IGF1R: variants seen among roughly 807,000 people sequenced by gnomAD.
IGF1R encodes the protein insulin like growth factor 1 receptor.
Under a neutral mutation model 144.6 loss-of-function variants are expected in IGF1R, and 44 were observed. That is an observed-to-expected ratio of 0.30 (90% CI 0.24 to 0.39). The LOEUF is 0.39. Ranked by LOEUF, IGF1R falls within the 10% of genes least tolerant of loss-of-function variation. The pLI is 1.00. For synonymous variants in IGF1R, 795 were observed against 722.8 expected (o/e 1.10, Z -1.60); for missense variants, 1,355 against 1,833.7 (o/e 0.74, Z 4.77).
intron 2 of IGF1R, among the ~76,000 whole-genome samples, chr15:98,881,641 A>G (rs766402341): frequency 2.0e-5 from 3 of 152,136 alleles, no homozygotes; most frequent in South Asian, 2.1e-4. Context: ...CTTTTAGACA[A>G]TAGAAACATG....
chr15:98,838,020 G>A (rs2011117633), intron 2 of IGF1R, among the ~76,000 whole-genome samples: 2 of 152,072 alleles, frequency 1.3e-5, no homozygotes, highest in Admixed American at 6.5e-5. Context: ...TCATTTTCAC[G>A]GCCTGAGAGT....
chr15:98,754,420 T>C (rs2055097320), intron 2 of IGF1R, among the ~76,000 whole-genome samples: 1 of 152,214 alleles, frequency 6.6e-6, no homozygotes, highest in Non-Finnish European at 1.5e-5. Flanking sequence ...TGTGAGTATT[T>C]GAGTGAGTTG....
intron 2 of IGF1R, among the ~76,000 whole-genome samples, chr15:98,719,280 T>A (rs145866139): frequency 6.0e-4 from 92 of 152,298 alleles, no homozygotes; most frequent in African/African-American, 2.1e-3. Context: ...TAACTCTTTA[T>A]CACTTCAGGG....
intron 1 of IGF1R, among the ~76,000 whole-genome samples, chr15:98,668,875 C>T (rs910527341): frequency 1.3e-5 from 2 of 152,238 alleles, no homozygotes; most frequent in East Asian, 1.9e-4. Context: ...GACAGACTTA[C>T]TGCTGCAGCC....
chr15:98,841,576 TG>T (rs2011175135), intron 2 of IGF1R, among the ~76,000 whole-genome samples: 1 of 152,190 alleles, frequency 6.6e-6, no homozygotes, highest in Admixed American at 6.5e-5. Flanking sequence ...TGTTTATCCT[TG>T]CCTGCCCCAG....
Position 98,959,028 on chromosome 15 carries a change from C to T in IGF1R, c.*1586C>T. 1 of 233,318 alleles carries T rather than the reference C, an allele frequency of 4.3e-6. No individual in the cohort carries two copies. Among genetic ancestry groups the T allele is most frequent in the South Asian group, 1.8e-4 (1 of 5,532 alleles). 14.5% of individuals were successfully genotyped at this position (233,318 alleles called of 1,614,324 possible). A position where few individuals can be genotyped will look rare whatever the true frequency, so the allele number is the denominator to read the frequency against. ...GAGAGGGCCGCGCTCCTCTCCCCAG[C>T]CTGCCCTCACAGCATTGGAGCCTGT... On this transcript the variant is annotated 3_prime_UTR_variant, in exon 21 of 21. Transcript: ENST00000650285.
At chr15:98,893,793 A>T (rs1056118956) in intron 3 of IGF1R, among the ~76,000 whole-genome samples, 2 of 152,208 alleles carry the variant, frequency 1.3e-5, no homozygotes, top group Non-Finnish European at 2.9e-5. Context: ...TATTTCCCCT[A>T]TTCATTCTTA....
intron 2 of IGF1R, among the ~76,000 whole-genome samples, chr15:98,709,052 T>C (rs566357779): frequency 1.3e-5 from 2 of 152,364 alleles, no homozygotes; most frequent in East Asian, 3.9e-4. Context: ...GCAATAGTTA[T>C]GTATATTGGC....
Position 98,935,576 on chromosome 15 carries a change from T to C in IGF1R, c.3297+150T>C. 1.1e-5 allele frequency: 8 copies of C among 708,594 alleles called. No homozygotes were observed. The South Asian group carries it at 1.2e-4, about 11-fold the overall frequency. The allele number at this position is 708,594 out of a possible 1,614,324, so 43.9% of individuals were successfully genotyped here. A position where few individuals can be genotyped will look rare whatever the true frequency, so the allele number is the denominator to read the frequency against. ...TGCATGCTCAGTTGTAGGTCATTTA[T>C]GCAAAGGATTTCCCCAACTAGAGTC... On this transcript the variant is annotated intron_variant, in intron 17 of 20. Transcript: ENST00000650285. The surrounding 1 kb of genome is among the most constrained non-coding windows in gnomAD (Gnocchi z 4.2).
At chr15:98,763,807 G>C (rs941426925) in intron 2 of IGF1R, among the ~76,000 whole-genome samples, 3 of 152,172 alleles carry the variant, frequency 2.0e-5, no homozygotes, top group Non-Finnish European at 4.4e-5. Flanking sequence ...GGGTTGTCCA[G>C]GTGTGCTTGT....
chr15:98,942,850 T>C, intron 18 of IGF1R, 73 bp from the exon 19 acceptor site: 8 of 1,592,692 alleles, frequency 5.0e-6, no homozygotes, highest in Admixed American at 3.3e-5. Context: ...ACATAATGAG[T>C]GTAGGGTCCT....
chr15:98,678,725 C>T (rs750845716), intron 1 of IGF1R, among the ~76,000 whole-genome samples: 3 of 151,884 alleles, frequency 2.0e-5, no homozygotes, highest in Non-Finnish European at 4.4e-5. Context: ...GGTTTTGCCA[C>T]GTTGCGCAGG....
chr15:98,674,253 A>G (rs1241924541), intron 1 of IGF1R, among the ~76,000 whole-genome samples: 2 of 152,206 alleles, frequency 1.3e-5, no homozygotes, highest in Admixed American at 6.5e-5. Flanking sequence ...ATGGCTTTAC[A>G]TAAGATTTTG....
At chr15:98,811,516 C>T (rs1239861517) in intron 2 of IGF1R, among the ~76,000 whole-genome samples, 12 of 136,574 alleles carry the variant, frequency 8.8e-5, no homozygotes, top group African/African-American at 2.2e-4. Flanking sequence ...GGTGACAGAG[C>T]GAAACTCCAT....
chr15:98,657,777 A>T (rs1264387646), intron 1 of IGF1R, among the ~76,000 whole-genome samples: 1 of 152,152 alleles, frequency 6.6e-6, no homozygotes, highest in African/African-American at 2.4e-5. Context: ...TCAGCAACAG[A>T]GATTGGCTCA....
chr15:98,823,910 A>G (rs2056845279), intron 2 of IGF1R, among the ~76,000 whole-genome samples: 1 of 152,222 alleles, frequency 6.6e-6, no homozygotes. Context: ...CTGAGAGAGA[A>G]AGAGGGGGAA....
rs1056442666 is a variant in IGF1R at position 98,921,789 on chromosome 15, A to T, written c.2202-359A>T. 1.1e-4 allele frequency among the ~76,000 whole-genome samples: 16 copies of T among 152,262 alleles called. 1 individual carries two copies. The South Asian group carries it at 2.3e-3, about 22-fold the overall frequency. On this transcript the variant is annotated intron_variant, in intron 10 of 20. Coordinates refer to ENST00000650285, the MANE Select transcript of IGF1R (RefSeq NM_000875.5). ...CTTAACCACAGCTGATAGGTTTGCC[A>T]CCTTTAAGGCTTAACCATAAGGTCT...
At chr15:98,824,484 C>G (rs2056856735) in intron 2 of IGF1R, among the ~76,000 whole-genome samples, 2 of 152,176 alleles carry the variant, frequency 1.3e-5, no homozygotes, top group African/African-American at 4.8e-5. Context: ...CTCATATGTT[C>G]AAAATACCAT....
intron 2 of IGF1R, among the ~76,000 whole-genome samples, chr15:98,786,832 C>T (rs966194740): frequency 6.6e-6 from 1 of 152,162 alleles, no homozygotes; most frequent in Admixed American, 6.5e-5. Flanking sequence ...AACTGGGCAG[C>T]TAGAGAGCCT....
Sources: gnomAD v4.1 joint callset for allele counts (sites outside exome capture counted in the v4.1 genomes callset) on GRCh38, gnomAD v4.1.1 for gene constraint, Gnocchi (gnomAD v3.1) non-coding constraint, MANE v1.5 for transcripts, NCBI Gene and HGNC (gene_info 2026-07-23, HGNC 2026-07-21) for gene names.